The following ACOT9 variants were observed in gnomAD, a reference collection of about 807,000 sequenced individuals.
ACOT9 encodes the protein acyl-coenzyme A thioesterase 9, mitochondrial.
A neutral mutation model predicts 39.7 loss-of-function variants in ACOT9; 34 were observed. The ratio of observed to expected loss-of-function variants is 0.86; its 90% CI spans 0.65 to 1.14. The LOEUF is 1.14. ACOT9 is among the 50% of genes most tolerant of loss of function. The pLI is 0.00. For synonymous variants in ACOT9, 110 were observed against 120.5 expected, an observed-to-expected ratio of 0.91 and a Z score of 0.57; for missense variants, 313 against 344.1, an observed-to-expected ratio of 0.91 and a Z score of 0.71.
chrX:23,733,847 C>T (rs1929842749), intron 3 of ACOT9, among the ~76,000 whole-genome samples: 1 of 112,383 alleles, frequency 8.9e-6, no homozygotes, highest in African/African-American at 3.2e-5. Context: ...CTGCAACCTC[C>T]GCCTCCCGGG....
At chrX:23,738,019 C>G (rs1473065674) in intron 1 of ACOT9, among the ~76,000 whole-genome samples, 1 of 106,774 alleles carries the variant, frequency 9.4e-6, no homozygotes, top group African/African-American at 3.4e-5. Flanking sequence ...CAGGCGCCGC[C>G]ACCGCGCCCG....
At chrX:23,726,331 G>C (rs1929520351) in intron 6 of ACOT9, among the ~76,000 whole-genome samples, 1 of 111,554 alleles carries the variant, frequency 9.0e-6, no homozygotes, top group African/African-American at 3.3e-5. Flanking sequence ...CCTACAAAGG[G>C]GACTACAAAA....
At position 23,701,749 on chromosome X, in the gene ACOT9, C is replaced by T. The variant is rs912802943; in HGVS notation, c.*2145G>A. Among the ~76,000 whole-genome samples, 2 of 111,569 alleles carry T rather than the reference C, an allele frequency of 1.8e-5. No homozygotes were observed. Among genetic ancestry groups the T allele is most frequent in the African/African-American group, 3.2e-5 (1 of 30,801 alleles). On this transcript the variant is annotated 3_prime_UTR_variant, in exon 16 of 16. Coordinates refer to ENST00000379303, the MANE Select transcript of ACOT9 (RefSeq NM_001037171.2). ...CTGGGATTACAGGCATGAGCCACCACTGTGCCTGGCCTAAAAATTTTTTGT... is the reference window on the plus strand; with the variant it reads ...CTGGGATTACAGGCATGAGCCACCATTGTGCCTGGCCTAAAAATTTTTTGT...
intron 8 of ACOT9, among the ~76,000 whole-genome samples, chrX:23,719,256 T>G (rs148145824): frequency 0.013 from 1,480 of 111,562 alleles, 13 homozygotes; most frequent in Non-Finnish European, 0.019. Context: ...GGAGACAGAG[T>G]GACACTGTCT....
chrX:23,715,449 T>C (rs1929043531), intron 8 of ACOT9, among the ~76,000 whole-genome samples: 1 of 111,286 alleles, frequency 9.0e-6, no homozygotes, highest in South Asian at 3.8e-4. Flanking sequence ...CAGTCCTCTC[T>C]TGACAGTGGT....
At chrX:23,742,209 T>TGTGAGAGAGA (rs1920973387) in intron 1 of ACOT9, among the ~76,000 whole-genome samples, 2 of 56,272 alleles carry the variant, frequency 3.6e-5, no homozygotes, top group Admixed American at 2.2e-4. Flanking sequence ...GAACAGTGAG[T>TGTGAGAGAGA]GAGTGAGAGA....
chrX:23,734,793 C>G (rs1256073032), intron 2 of ACOT9, among the ~76,000 whole-genome samples: 1 of 109,201 alleles, frequency 9.2e-6, no homozygotes, highest in Non-Finnish European at 1.9e-5. Context: ...CAAGACCAGC[C>G]TGGCCAAGAT....
At chrX:23,707,744 AACAAAC>A in intron 10 of ACOT9, 127 bp downstream of exon 10, 1 of 465,340 alleles carries the variant, frequency 2.1e-6, no homozygotes, top group Non-Finnish European at 3.4e-6. Flanking sequence ...TTTCAAAAAA[AACAAAC>A]AAAAAAACAA....
At position 23,720,124 on chromosome X, in the gene ACOT9, C is replaced by T. The variant is rs190906371; in HGVS notation, c.588+1757G>A. On this transcript the variant is annotated intron_variant, in intron 8 of 15. Transcript: ENST00000379303. ...CTGGGATTACAGGCGTGAGCCACCG[C>T]GCCCAGCCAGTCATTCTTAAATAAG... Among the ~76,000 whole-genome samples, 933 of 113,035 alleles carry T rather than the reference C, an allele frequency of 8.3e-3. 10 individuals carry two copies. The highest frequency in any genetic ancestry group is 0.028 in the African/African-American group (859 of 31,215).
chrX:23,725,298 C>G (rs1212322204), intron 6 of ACOT9, among the ~76,000 whole-genome samples: 1 of 105,359 alleles, frequency 9.5e-6, no homozygotes, highest in African/African-American at 3.5e-5. Flanking sequence ...TGGCAAAACC[C>G]CATCTCTACT....
intron 1 of ACOT9, among the ~76,000 whole-genome samples, chrX:23,742,258 T>TAGATAGATAG (rs149500465): frequency 2.4e-5 from 2 of 82,574 alleles, no homozygotes; most frequent in East Asian, 3.7e-4. Flanking sequence ...GAGAGAGAGA[T>TAGATAGATAG]ATCCAGGACC....
chrX:23,725,470 C>CAA (rs34682904), intron 6 of ACOT9, among the ~76,000 whole-genome samples: 538 of 48,845 alleles, frequency 0.011, 20 homozygotes, highest in Middle Eastern at 0.041. Flanking sequence ...GACTCTGTCT[C>CAA]AAAAAAAAAA....
intron 1 of ACOT9, among the ~76,000 whole-genome samples, chrX:23,736,676 G>A (rs747973874): frequency 3.2e-4 from 35 of 109,980 alleles, no homozygotes; most frequent in Non-Finnish European, 5.3e-4. Context: ...AAAATTAGCC[G>A]GGCGTGGTGG....
chrX:23,727,914 G>A (rs889280897), intron 6 of ACOT9, among the ~76,000 whole-genome samples: 35 of 104,930 alleles, frequency 3.3e-4, no homozygotes, highest in African/African-American at 1.2e-3. Flanking sequence ...CAGGAGAATC[G>A]CCTGAACCCA....
At chrX:23,721,781 C>A in intron 8 of ACOT9, 100 bp downstream of exon 8, 1 of 628,696 alleles carries the variant, frequency 1.6e-6, no homozygotes, top group Non-Finnish European at 2.4e-6. Flanking sequence ...AAGCAGTGAG[C>A]AACATACCTG....
chrX:23,727,421 G>A (rs983969130), intron 6 of ACOT9, among the ~76,000 whole-genome samples: 2 of 110,337 alleles, frequency 1.8e-5, no homozygotes, highest in East Asian at 2.9e-4. Flanking sequence ...GACTTCCTGG[G>A]CTGAAGCAAT....
rs1204079022 is a variant in ACOT9 at position 23,706,707 on chromosome X, T to C, written c.763A>G (p.Thr255Ala). The C allele has an allele frequency of 1.7e-6, 2 of 1,205,043 alleles. No homozygotes were observed. The highest frequency in any genetic ancestry group is 2.2e-6 in the Non-Finnish European group (2 of 891,732). ...CTGGGGGCCATTTTCAGTAACGACG[T>C]GGAGCTGAAGGCAATTCTTCTCCCC... ...NKGRRIAFSS[T>A]SLLKMAPSAE... The change falls in exon 11 of 16, where the codon ACG becomes GCG. Residue 255 changes from threonine (T) to alanine (A), a missense_variant. By Grantham distance (58) the Thr-to-Ala change is moderately conservative. Coordinates refer to ENST00000379303, the MANE Select transcript of ACOT9 (RefSeq NM_001037171.2).
chrX:23,703,885 G>C lies in ACOT9; in HGVS notation c.*9C>G, dbSNP rs1319508479. The C allele has an allele frequency of 8.3e-7, 1 of 1,203,340 alleles. No homozygotes were observed. Among genetic ancestry groups the C allele is most frequent in the Non-Finnish European group, 1.1e-6 (1 of 888,537 alleles). On this transcript the variant is annotated 3_prime_UTR_variant, in exon 16 of 16. Coordinates refer to ENST00000379303, the MANE Select transcript of ACOT9 (RefSeq NM_001037171.2). The stretch of plus-strand genomic sequence containing the variant: ...GGTAGAGTGCTAGTTTTCAACAAAT[G>C]TGGTGTTCTTAGGGCTCCACAAGGT...
chrX:23,707,049 C>T, intron 10 of ACOT9: 1 of 156,119 alleles, frequency 6.4e-6, no homozygotes. Context: ...GTAATCCCAA[C>T]ACTTTGGGAG....
Sources: gnomAD v4.1 joint callset for allele counts (sites outside exome capture counted in the v4.1 genomes callset) on GRCh38, gnomAD v4.1.1 for gene constraint, MANE v1.5 for transcripts, NCBI Gene and HGNC (gene_info 2026-07-23, HGNC 2026-07-21) for gene names.